Variants in PYHIN1 observed in about 807,000 individuals in gnomAD.
PYHIN1 encodes the protein pyrin and HIN domain-containing protein 1.
Under a neutral mutation model 43.7 loss-of-function variants are expected in PYHIN1, and 32 were observed. The observed-to-expected ratio is 0.73, with a 90% CI of 0.55 to 0.98. The LOEUF (loss-of-function observed/expected upper bound fraction) is 0.98, where lower values mean the gene tolerates loss of function less well. PYHIN1 is among the 50% of genes least tolerant of loss of function. The pLI is 0.00. For missense variants in PYHIN1, 588 were observed against 589.5 expected (o/e 1.00, Z 0.03); for synonymous variants, 205 against 203.1 (o/e 1.01, Z -0.08).
At chr1:158,984,134 T>C in the PYHIN1 span, among the ~76,000 whole-genome samples, 2 of 150,806 alleles carry the variant, frequency 1.3e-5, no homozygotes, top group Non-Finnish European at 3.0e-5. Flanking sequence ...AATTTTCACA[T>C]CTCAATTTTA....
intron 1 of PYHIN1, among the ~76,000 whole-genome samples, chr1:158,935,260 A>G (rs1453105840): frequency 6.6e-6 from 1 of 151,984 alleles, no homozygotes; most frequent in Admixed American, 6.6e-5. Flanking sequence ...TACTTCTGAA[A>G]TGTAAGATAT....
chr1:158,968,186 A>G (rs1236542389), intron 7 of PYHIN1, among the ~76,000 whole-genome samples: 1 of 152,092 alleles, frequency 6.6e-6, no homozygotes, highest in Non-Finnish European at 1.5e-5. Context: ...AAAAAATTGC[A>G]AACTTTGCAT....
At chr1:158,939,478 G>A (rs1648777062) in intron 4 of PYHIN1, 2 of 1,551,078 alleles carry the variant, frequency 1.3e-6, no homozygotes, top group Non-Finnish European at 1.7e-6. Flanking sequence ...AAGAGACAGA[G>A]AACTGCGGAA....
chr1:158,973,540 T>C lies in PYHIN1; in HGVS notation c.1360-107T>C, dbSNP rs74125609. On this transcript the variant is annotated intron_variant, in intron 7 of 8. Coordinates refer to ENST00000368140, the MANE Select transcript of PYHIN1 (RefSeq NM_152501.5). Reference sequence around the variant, plus strand: ...ACACACACACACACACACACACATATACACACATGTATTACATCCAACTTA... The same window carrying C: ...ACACACACACACACACACACACATACACACACATGTATTACATCCAACTTA... 4,492 of 1,033,952 alleles carry C rather than the reference T, an allele frequency of 4.3e-3. 160 individuals carry two copies. The African/African-American group carries it at 0.067, about 15-fold the overall frequency. 64.0% of individuals were successfully genotyped at this position (1,033,952 alleles called of 1,614,324 possible).
chr1:158,959,989 A>C (rs940970761), intron 7 of PYHIN1, among the ~76,000 whole-genome samples: 1 of 152,202 alleles, frequency 6.6e-6, no homozygotes, highest in African/African-American at 2.4e-5. Context: ...AAAAGAATTA[A>C]ATCACTATTT....
chr1:158,964,301 T>A (rs1650493227), intron 7 of PYHIN1, among the ~76,000 whole-genome samples: 3 of 152,292 alleles, frequency 2.0e-5, no homozygotes, highest in South Asian at 2.1e-4. Flanking sequence ...TTAAAACATA[T>A]TTCAGGATAT....
chr1:158,946,835 G>A (rs1324893681), intron 7 of PYHIN1, among the ~76,000 whole-genome samples: 1 of 152,072 alleles, frequency 6.6e-6, no homozygotes. Flanking sequence ...TTATTATGTT[G>A]TGACTCATAT....
chr1:158,971,891 G>A (rs1004441200), intron 7 of PYHIN1, among the ~76,000 whole-genome samples: 1 of 151,886 alleles, frequency 6.6e-6, no homozygotes, highest in Admixed American at 6.6e-5. Flanking sequence ...TGAATGTGCA[G>A]GTGAAGAGGT....
downstream of PYHIN1, among the ~76,000 whole-genome samples, chr1:158,979,041 A>G (rs1213647560): frequency 6.6e-6 from 1 of 152,198 alleles, no homozygotes; most frequent in Non-Finnish European, 1.5e-5. Context: ...TAGCTCTGAG[A>G]GGATCTCTAG....
At chr1:158,953,049 T>G (rs934894074) in intron 7 of PYHIN1, among the ~76,000 whole-genome samples, 4 of 152,192 alleles carry the variant, frequency 2.6e-5, no homozygotes, top group Admixed American at 6.5e-5. Context: ...TCGGACCGGC[T>G]TAAAAAATGG....
downstream of PYHIN1, among the ~76,000 whole-genome samples, chr1:158,979,477 T>G (rs762779870): frequency 6.7e-6 from 1 of 149,876 alleles, no homozygotes; most frequent in African/African-American, 2.5e-5. Flanking sequence ...ATTGCAGAAT[T>G]TCATTCATGC....
At chr1:158,981,569 T>C (rs905233296), downstream of PYHIN1, among the ~76,000 whole-genome samples, 1 of 152,212 alleles carries the variant, frequency 6.6e-6, no homozygotes, top group Non-Finnish European at 1.5e-5. Context: ...TATATACCAG[T>C]AATGGGATTG....
rs569374147 is a variant in PYHIN1 at position 158,936,888 on chromosome 1, C to T, written c.-20-3C>T. 47 of 1,534,204 alleles carry T rather than the reference C, an allele frequency of 3.1e-5. No homozygotes were observed. The Middle Eastern group carries it at 5.3e-4, about 17-fold the overall frequency. On this transcript the variant is annotated splice_polypyrimidine_tract_variant and splice_region_variant and intron_variant, in intron 1 of 8. Transcript: ENST00000368140. Reference sequence around the variant, plus strand: ...AACACTATATACCATTTTTCTCTTGCAGGCTCACTTATATCTTTAGAGATG... The same window carrying T: ...AACACTATATACCATTTTTCTCTTGTAGGCTCACTTATATCTTTAGAGATG...
At chr1:158,983,521 G>T in the PYHIN1 span, among the ~76,000 whole-genome samples, 1 of 151,976 alleles carries the variant, frequency 6.6e-6, no homozygotes, top group Non-Finnish European at 1.5e-5. Context: ...CTTTTGCTGT[G>T]CTGCTGGATT....
chr1:158,937,842 G>C (rs1029647651), intron 2 of PYHIN1, among the ~76,000 whole-genome samples: 2 of 152,036 alleles, frequency 1.3e-5, no homozygotes, highest in Non-Finnish European at 2.9e-5. Flanking sequence ...GCTACTCGGA[G>C]GCTGAGGCAG....
the PYHIN1 span, among the ~76,000 whole-genome samples, chr1:158,982,735 T>C: frequency 6.6e-6 from 1 of 152,166 alleles, no homozygotes; most frequent in Admixed American, 6.6e-5. Flanking sequence ...CTGGAGAATA[T>C]AGCCATTTTA....
At chr1:158,936,863 A>G in intron 1 of PYHIN1, 28 bp from the exon 2 acceptor site, 1 of 1,462,348 alleles carries the variant, frequency 6.8e-7, no homozygotes, top group Non-Finnish European at 9.2e-7. Flanking sequence ...ATACATGTGT[A>G]ACACTATATA....
chr1:158,974,043 G>C (rs1354280047), intron 8 of PYHIN1, among the ~76,000 whole-genome samples: 1 of 151,998 alleles, frequency 6.6e-6, no homozygotes, highest in Non-Finnish European at 1.5e-5. Flanking sequence ...GAGGTATCCA[G>C]ACAAGGAGAG....
intron 7 of PYHIN1, among the ~76,000 whole-genome samples, chr1:158,972,262 T>C (rs567615221): frequency 6.9e-4 from 105 of 152,226 alleles, no homozygotes; most frequent in Middle Eastern, 3.4e-3. Context: ...GGTAGTTCTT[T>C]AACCAAAGTA....
Sources: allele counts gnomAD v4.1 joint callset (sites outside exome capture counted in the v4.1 genomes callset), GRCh38; gene constraint gnomAD v4.1.1; transcripts MANE v1.5; gene names NCBI Gene and HGNC (gene_info 2026-07-23, HGNC 2026-07-21).